The following BNIP3L variants were observed in gnomAD, a reference collection of about 807,000 sequenced individuals.
The protein encoded by BNIP3L is BCL2/adenovirus E1B 19 kDa protein-interacting protein 3-like.
A neutral mutation model predicts 25.5 loss-of-function variants in BNIP3L; 10 were observed. The observed-to-expected ratio is 0.39, with a 90% confidence interval of 0.24 to 0.67. The LOEUF (loss-of-function observed/expected upper bound fraction) is 0.67, where lower values mean the gene tolerates loss of function less well. Ranked by LOEUF, BNIP3L falls within the 30% of genes least tolerant of loss-of-function variation. The probability of loss-of-function intolerance (pLI) is 0.45; values close to 1 mark genes in which losing one functional copy is unlikely to be tolerated. For synonymous variants in BNIP3L, 113 were observed against 101.2 expected, an observed-to-expected ratio of 1.12 and a Z score of -0.70; for missense variants, 215 against 270.9, an observed-to-expected ratio of 0.79 and a Z score of 1.45.
intron 1 of BNIP3L, among the ~76,000 whole-genome samples, chr8:26,383,862 A>T (rs1805920079): frequency 6.8e-6 from 1 of 146,308 alleles, no homozygotes; most frequent in African/African-American, 2.6e-5. Context: ...TTCCTTTTTT[A>T]TTTTTTTATT....
chr8:26,386,927 TGTTGGCCTGGTCTGGATTTCAGCATCAG>T (rs998651384), intron 1 of BNIP3L, among the ~76,000 whole-genome samples: 1 of 152,174 alleles, frequency 6.6e-6, no homozygotes, highest in African/African-American at 2.4e-5. Context: ...CAGTAACTCT[TGTTGGCCTGGTCTGGATTTCAGCATCAG>T]GTTGGCCTGG....
intron 2 of BNIP3L, among the ~76,000 whole-genome samples, chr8:26,392,359 T>G (rs191759542): frequency 2.2e-3 from 329 of 152,324 alleles, no homozygotes; most frequent in Non-Finnish European, 3.9e-3. Flanking sequence ...ACAGTGACTA[T>G]TTTTAGGAAT....
intron 1 of BNIP3L, among the ~76,000 whole-genome samples, chr8:26,384,885 C>T (rs926805546): frequency 2.0e-5 from 3 of 151,982 alleles, no homozygotes; most frequent in African/African-American, 7.2e-5. Flanking sequence ...TTAGTAGAGA[C>T]GAAGTTTCGC....
chr8:26,408,228 G>C lies in BNIP3L; in HGVS notation c.463G>C (p.Glu155Gln). 2 of 1,613,314 alleles carry C rather than the reference G, an allele frequency of 1.2e-6. No homozygotes were observed. The highest frequency in any genetic ancestry group is 1.7e-4 in the Middle Eastern group (1 of 6,058). ...SSRPENIPPK[E>Q]FHFRHPKRSV... is the part of the protein sequence containing the mutation. ...TCTGCCTCTGAATTTCTTTCTCAGG[G>C]AGTTCCACTTCAGACACCCTAAACG... The change falls in exon 5 of 6, where the codon GAG becomes CAG. Residue 155 changes from glutamate (E) to glutamine (Q), a missense_variant and splice_region_variant. This residue lies in a region of BNIP3L where 63 missense variants were observed against 98.8 expected (regional missense o/e 0.64). Transcript: ENST00000380629.
intron 3 of BNIP3L, among the ~76,000 whole-genome samples, chr8:26,406,666 A>G (rs1426002078): frequency 2.6e-5 from 4 of 152,062 alleles, no homozygotes; most frequent in African/African-American, 9.7e-5. Flanking sequence ...TTAAAGAAAT[A>G]CAAAAATTAG....
At chr8:26,383,330 T>C in intron 1 of BNIP3L, 100 bp downstream of exon 1, 1 of 1,513,306 alleles carries the variant, frequency 6.6e-7, no homozygotes, top group Non-Finnish European at 8.9e-7. Context: ...AGAAGGCAGC[T>C]CATTGGCTCA....
intron 1 of BNIP3L, among the ~76,000 whole-genome samples, chr8:26,390,920 AT>A (rs1200335829): frequency 6.6e-6 from 1 of 151,530 alleles, no homozygotes; most frequent in Admixed American, 6.6e-5. Flanking sequence ...AAAAGTAGCA[AT>A]TTTTTTTTGA....
intron 3 of BNIP3L, chr8:26,395,633 A>C (rs1806216465): frequency 4.1e-6 from 1 of 246,612 alleles, no homozygotes; most frequent in East Asian, 1.1e-4. Context: ...AAGATGGCTG[A>C]ATAGGAACAG....
chr8:26,387,183 C>T (rs904688436), intron 1 of BNIP3L, among the ~76,000 whole-genome samples: 7 of 152,242 alleles, frequency 4.6e-5, no homozygotes, highest in South Asian at 2.1e-4. Context: ...ATACAACATA[C>T]GGCAATGAGT....
chr8:26,384,929 G>C (rs1035954266), intron 1 of BNIP3L, among the ~76,000 whole-genome samples: 2 of 151,908 alleles, frequency 1.3e-5, no homozygotes, highest in African/African-American at 4.8e-5. Context: ...CCGACACCAA[G>C]CTAGGCTAAT....
chr8:26,391,901 A>G (rs752272551), intron 2 of BNIP3L, among the ~76,000 whole-genome samples: 1 of 152,230 alleles, frequency 6.6e-6, no homozygotes, highest in Non-Finnish European at 1.5e-5. Flanking sequence ...GTAGACACTC[A>G]GTAAATGTTT....
At chr8:26,402,303 G>A (rs1806402864) in intron 3 of BNIP3L, among the ~76,000 whole-genome samples, 1 of 152,162 alleles carries the variant, frequency 6.6e-6, no homozygotes, top group South Asian at 2.1e-4. Context: ...CATTTGAATT[G>A]CTGGCTTATG....
chr8:26,392,033 C>T (rs867099172), intron 2 of BNIP3L, among the ~76,000 whole-genome samples: 6 of 152,298 alleles, frequency 3.9e-5, no homozygotes, highest in Middle Eastern at 6.8e-3. Flanking sequence ...TGTTTTGTTT[C>T]AGACCTCATT....
intron 3 of BNIP3L, among the ~76,000 whole-genome samples, chr8:26,402,344 T>C (rs145143154): frequency 1.3e-5 from 2 of 152,360 alleles, no homozygotes; most frequent in East Asian, 3.9e-4. Context: ...CAGTAAGCTA[T>C]AGCTGATGTA....
intron 1 of BNIP3L, among the ~76,000 whole-genome samples, chr8:26,386,057 C>G (rs1184771868): frequency 2.0e-5 from 3 of 152,182 alleles, no homozygotes; most frequent in African/African-American, 7.2e-5. Flanking sequence ...AACTGAAAAA[C>G]AGGAGAAGAA....
intron 1 of BNIP3L, 29 bp from the exon 2 acceptor site, chr8:26,391,214 G>A (rs1806102210): frequency 4.5e-6 from 7 of 1,549,704 alleles, no homozygotes; most frequent in African/African-American, 1.4e-5. Flanking sequence ...CAGTTCTGCT[G>A]TGGTTAACTT....
At chr8:26,407,966 CT>C (rs1186491614) in intron 3 of BNIP3L, 33 bp from the exon 4 acceptor site, 1 of 1,595,266 alleles carries the variant, frequency 6.3e-7, no homozygotes, top group Non-Finnish European at 8.6e-7. Flanking sequence ...ATTGGTCTTC[CT>C]TTTTTTCTTA....
Position 26,390,430 on chromosome 8 carries a change from G to C in BNIP3L, c.101-813G>C, listed in dbSNP as rs193088973. ...GTTTGCCTGTAGCTGATGTGCAGTT[G>C]TTTCTGCTCCCAAATCAACAGGGTT... On this transcript the variant is annotated intron_variant, in intron 1 of 5. Coordinates refer to ENST00000380629, the MANE Select transcript of BNIP3L (RefSeq NM_004331.3). 7.7e-4 allele frequency: 754 copies of C among 985,338 alleles called. 6 individuals carry two copies. In the African/African-American group the frequency reaches 0.012, roughly 16 times the overall value. 61.0% of individuals were successfully genotyped at this position (985,338 alleles called of 1,614,324 possible). A position where few individuals can be genotyped will look rare whatever the true frequency, so the allele number is the denominator to read the frequency against.
chr8:26,393,280 A>G (rs1281293991), intron 2 of BNIP3L, among the ~76,000 whole-genome samples: 2 of 151,060 alleles, frequency 1.3e-5, no homozygotes, highest in African/African-American at 2.4e-5. Context: ...TATATTTTCA[A>G]CTTAAAAATT....
Sources: gnomAD v4.1 joint callset for allele counts (sites outside exome capture counted in the v4.1 genomes callset) on GRCh38, gnomAD v4.1.1 for gene constraint, gnomAD v4.1.1 regional missense constraint, MANE v1.5 for transcripts, NCBI Gene and HGNC (gene_info 2026-07-23, HGNC 2026-07-21) for gene names.